KCNH1: variants seen among roughly 807,000 people sequenced by gnomAD.
KCNH1 encodes the protein potassium voltage-gated channel subfamily H member 1.
A neutral mutation model predicts 69.2 loss-of-function variants in KCNH1; 27 were observed. The observed-to-expected ratio is 0.39, with a 90% CI of 0.29 to 0.54. The LOEUF (loss-of-function observed/expected upper bound fraction) is 0.54. Ranked by LOEUF, KCNH1 falls within the 20% of genes least tolerant of loss-of-function variation. KCNH1 has a pLI of 0.68. For synonymous variants in KCNH1, 456 were observed against 487.7 expected (o/e 0.93, Z 0.86); for missense variants, 798 against 1,261.6 (o/e 0.63, Z 5.57).
At chr1:211,007,764 C>A (rs77009512) in intron 6 of KCNH1, among the ~76,000 whole-genome samples, 5,759 of 152,256 alleles carry the variant, frequency 0.038, 220 homozygotes, top group South Asian at 0.12. Flanking sequence ...CCATTGCCTA[C>A]ATTTAGATAC....
intron 6 of KCNH1, among the ~76,000 whole-genome samples, chr1:210,951,649 C>T (rs1688064396): frequency 6.6e-6 from 1 of 152,052 alleles, no homozygotes; most frequent in South Asian, 2.1e-4. Context: ...AGGATAAAAT[C>T]CAGTAGATTA....
At chr1:210,788,260 T>G (rs970525021) in intron 9 of KCNH1, among the ~76,000 whole-genome samples, 3 of 152,228 alleles carry the variant, frequency 2.0e-5, no homozygotes, top group African/African-American at 7.2e-5. Flanking sequence ...TTTGGTATAC[T>G]TTCCATCTTT....
rs768021673 is a variant in KCNH1 at position 210,919,627 on chromosome 1, C to T, written c.1462+13G>A. On this transcript the variant is annotated intron_variant, in intron 7 of 10. Transcript: ENST00000271751. This position sits in a 1 kb window ranked among gnomAD's most constrained non-coding sequence, Gnocchi z 4.2. ...AGAGATGGCCAACCCCACCCCAGCA[C>T]TGTCATACTTACAGCCAATCATCAT... is the stretch of plus-strand genomic sequence containing the variant. 5 of 1,605,150 alleles carry T rather than the reference C, an allele frequency of 3.1e-6. No individual in the cohort carries two copies. In the Admixed American group the frequency reaches 6.7e-5, roughly 21 times the overall value.
At chr1:210,762,549 C>T (rs115486644) in intron 10 of KCNH1, among the ~76,000 whole-genome samples, 2,136 of 152,176 alleles carry the variant, frequency 0.014, 52 homozygotes, top group African/African-American at 0.048. Flanking sequence ...ATATCACAAC[C>T]AATCCCACAG....
rs114391647 is a variant in KCNH1 at position 210,963,897 on chromosome 1, A to G, written c.1033-43828T>C. On this transcript the variant is annotated intron_variant, in intron 6 of 10. Transcript: ENST00000271751. ...GATATTATCCAGGAGAACTCCCCCAATAGAGCAAGACAGGCCAACATTCAA... is the reference window on the plus strand; with the variant it reads ...GATATTATCCAGGAGAACTCCCCCAGTAGAGCAAGACAGGCCAACATTCAA... Among the ~76,000 whole-genome samples, 766 of 152,332 alleles carry G rather than the reference A, an allele frequency of 5.0e-3. 9 individuals are homozygous for G. Among genetic ancestry groups the G allele is most frequent in the African/African-American group, 0.018 (730 of 41,582 alleles).
chr1:210,986,750 C>T (rs540417288), intron 6 of KCNH1, among the ~76,000 whole-genome samples: 27 of 152,282 alleles, frequency 1.8e-4, no homozygotes, highest in Non-Finnish European at 3.8e-4. Context: ...GTGAATCTGA[C>T]AATTATGTGT....
intron 6 of KCNH1, among the ~76,000 whole-genome samples, chr1:210,963,606 T>C (rs575852615): frequency 6.6e-6 from 1 of 152,096 alleles, no homozygotes; most frequent in African/African-American, 2.4e-5. Context: ...AATGACCTGA[T>C]GGAACTGAAA....
intron 7 of KCNH1, among the ~76,000 whole-genome samples, chr1:210,843,291 A>T (rs1685461762): frequency 6.6e-6 from 1 of 152,196 alleles, no homozygotes; most frequent in Non-Finnish European, 1.5e-5. Flanking sequence ...AATGATACTA[A>T]CAGTGATTGG....
At position 210,831,108 on chromosome 1, in the gene KCNH1, A is replaced by G. The variant is rs186036435; in HGVS notation, c.1463-26942T>C. On this transcript the variant is annotated intron_variant, in intron 7 of 10. Coordinates refer to ENST00000271751, the MANE Select transcript of KCNH1 (RefSeq NM_172362.3). Reference sequence around the variant, plus strand: ...ATTTGAGAAAGCGTGATTTTGTCATAAAGACACCTGCAAACACAGACTTCT... The same window carrying G: ...ATTTGAGAAAGCGTGATTTTGTCATGAAGACACCTGCAAACACAGACTTCT... 1.3e-3 allele frequency among the ~76,000 whole-genome samples: 194 copies of G among 152,342 alleles called. 1 individual carries two copies. The highest frequency in any genetic ancestry group is 4.4e-3 in the African/African-American group (183 of 41,592).
At chr1:210,762,438 G>A (rs1484204547) in intron 10 of KCNH1, among the ~76,000 whole-genome samples, 7 of 152,052 alleles carry the variant, frequency 4.6e-5, no homozygotes, top group Non-Finnish European at 7.4e-5. Context: ...AAAACAGAAG[G>A]TTGGTTCTTC....
intron 9 of KCNH1, among the ~76,000 whole-genome samples, chr1:210,782,313 A>AT (rs907416428): frequency 1.3e-5 from 2 of 152,158 alleles, no homozygotes; most frequent in Admixed American, 1.3e-4. Flanking sequence ...TGGTCTGAAT[A>AT]TTTGTGTCCC....
chr1:210,816,785 T>A (rs2102421114), intron 7 of KCNH1, among the ~76,000 whole-genome samples: 1 of 152,342 alleles, frequency 6.6e-6, no homozygotes, highest in East Asian at 1.9e-4. Flanking sequence ...TAGGCCCATT[T>A]TCCAATAGTA....
At chr1:210,750,911 A>C (rs1324337060) in intron 10 of KCNH1, among the ~76,000 whole-genome samples, 1 of 152,068 alleles carries the variant, frequency 6.6e-6, no homozygotes, top group African/African-American at 2.4e-5. Context: ...TGAGGTTAAG[A>C]ACTTGCCCTG....
intron 7 of KCNH1, 130 bp from the exon 8 acceptor site, chr1:210,804,296 T>TGGG: frequency 1.4e-6 from 1 of 722,780 alleles, no homozygotes; most frequent in Non-Finnish European, 2.3e-6. Context: ...CAGACTGCCC[T>TGGG]GACTATTCTC....
intron 7 of KCNH1, among the ~76,000 whole-genome samples, chr1:210,853,946 CAA>C (rs11445997): frequency 3.6e-4 from 22 of 61,532 alleles, no homozygotes; most frequent in South Asian, 3.4e-3. Flanking sequence ...TTATCTAAGC[CAA>C]AAAAAAAAAA....
intron 10 of KCNH1, among the ~76,000 whole-genome samples, chr1:210,697,303 T>G (rs1256960823): frequency 1.3e-5 from 2 of 152,192 alleles, no homozygotes; most frequent in Admixed American, 1.3e-4. Flanking sequence ...GATACCTGCT[T>G]ATACCAGGCT....
rs189947712 is a variant in KCNH1 at position 210,830,821 on chromosome 1, C to T, written c.1463-26655G>A. Among the ~76,000 whole-genome samples the T allele has an allele frequency of 3.3e-5, 5 of 152,252 alleles. No individual in the cohort carries two copies. In the East Asian group the frequency reaches 9.7e-4, roughly 29 times the overall value. On this transcript the variant is annotated intron_variant, in intron 7 of 10. Coordinates refer to ENST00000271751, the MANE Select transcript of KCNH1 (RefSeq NM_172362.3). ...ATTTAATTTATGTCATTTTTCTCCTCTGGTACTCCCAGGAGGTTTGAGAGT... is the reference window on the plus strand; with the variant it reads ...ATTTAATTTATGTCATTTTTCTCCTTTGGTACTCCCAGGAGGTTTGAGAGT...
At chr1:211,116,819 A>G (rs1691591981) in intron 1 of KCNH1, among the ~76,000 whole-genome samples, 1 of 152,180 alleles carries the variant, frequency 6.6e-6, no homozygotes, top group African/African-American at 2.4e-5. Flanking sequence ...TAGGTCAGTA[A>G]CTCATGGTCT....
chr1:211,054,137 CT>C (rs1376888810), intron 5 of KCNH1, among the ~76,000 whole-genome samples: 1 of 151,652 alleles, frequency 6.6e-6, no homozygotes, highest in African/African-American at 2.4e-5. Context: ...AAAAAATTAG[CT>C]GGGCGTGGTG....
Sources: allele counts gnomAD v4.1 joint callset (sites outside exome capture counted in the v4.1 genomes callset), GRCh38; gene constraint gnomAD v4.1.1; non-coding constraint Gnocchi (gnomAD v3.1); transcripts MANE v1.5; gene names NCBI Gene and HGNC (gene_info 2026-07-23, HGNC 2026-07-21).